Variants in TMEM248 observed in about 807,000 individuals in gnomAD.
TMEM248 encodes the protein UPF0458 protein C7orf42.
A neutral mutation model predicts 30.3 loss-of-function variants in TMEM248; 9 were observed. That is an observed-to-expected ratio of 0.30 (90% CI 0.18 to 0.52). The LOEUF is 0.52. Among genes scored for constraint, TMEM248 ranks in the 20% least tolerant of loss-of-function variants. The pLI is 0.97. For synonymous variants in TMEM248, 184 were observed against 154.4 expected, an observed-to-expected ratio of 1.19 and a Z score of -1.42; for missense variants, 338 against 403.3, an observed-to-expected ratio of 0.84 and a Z score of 1.39.
chr7:66,929,602 A>T (rs1366100056), intron 1 of TMEM248, among the ~76,000 whole-genome samples: 1 of 151,746 alleles, frequency 6.6e-6, no homozygotes, highest in East Asian at 1.9e-4. Context: ...ATGCCCAGCT[A>T]ATTTTTGTAT....
intron 1 of TMEM248, among the ~76,000 whole-genome samples, chr7:66,940,030 T>C (rs1482547952): frequency 6.6e-6 from 1 of 152,142 alleles, no homozygotes; most frequent in Non-Finnish European, 1.5e-5. Context: ...CCTGTCTTAC[T>C]GCAACCTCCA....
At chr7:66,954,708 T>C (rs1214252124) in intron 6 of TMEM248, among the ~76,000 whole-genome samples, 1 of 152,172 alleles carries the variant, frequency 6.6e-6, no homozygotes, top group Non-Finnish European at 1.5e-5. Context: ...CCCTCTTTTG[T>C]GTATTTTTGG....
chr7:66,921,606 T>A (rs1791386804), intron 1 of TMEM248, 145 bp downstream of exon 1: 1 of 152,218 alleles, frequency 6.6e-6, no homozygotes, highest in Non-Finnish European at 1.5e-5. Flanking sequence ...CCCCAACTGC[T>A]GGCGGGGGTC....
intron 2 of TMEM248, 84 bp from the exon 3 acceptor site, chr7:66,944,892 C>T: frequency 6.9e-7 from 1 of 1,440,332 alleles, no homozygotes; most frequent in Non-Finnish European, 9.6e-7. Flanking sequence ...TGCTGCGGTG[C>T]CACACTGGGG....
At position 66,955,548 on chromosome 7, in the gene TMEM248, G is replaced by C. The variant is rs545249952; in HGVS notation, c.*26G>C. Reference sequence around the variant, plus strand: ...TTCCACAGCTCCTTGTTTTTTGAGAGAGACTGAGAGAACCATAATCCTTGC... The same window carrying C: ...TTCCACAGCTCCTTGTTTTTTGAGACAGACTGAGAGAACCATAATCCTTGC... On this transcript the variant is annotated 3_prime_UTR_variant, in exon 7 of 7. Transcript: ENST00000341567. 2.7e-4 allele frequency: 433 copies of C among 1,613,912 alleles called. 5 individuals are homozygous for C. In the South Asian group the frequency reaches 4.5e-3, roughly 17 times the overall value.
chr7:66,943,843 G>A (rs1792027096), intron 2 of TMEM248, among the ~76,000 whole-genome samples: 1 of 151,734 alleles, frequency 6.6e-6, no homozygotes, highest in Admixed American at 6.6e-5. Context: ...CCAGGCTGAG[G>A]CTGGACTTCA....
In TMEM248 at chr7:66,956,863, CAG is replaced by C. The variant is rs762839569; in HGVS notation, c.*1344_*1345del. On this transcript the variant is annotated 3_prime_UTR_variant, in exon 7 of 7. Coordinates refer to ENST00000341567, the MANE Select transcript of TMEM248 (RefSeq NM_017994.5). ...TAATTTTAAAATTTTTTTGTAGAGA[CAG>C]AGTCTCCCTCTGTTGCCCAGGCTGG... The C allele has an allele frequency of 6.6e-6, 1 of 151,928 alleles. No homozygotes were observed. The highest frequency in any genetic ancestry group is 2.4e-5 in the African/African-American group (1 of 41,518). 9.4% of individuals were successfully genotyped at this position (151,928 alleles called of 1,614,324 possible).
intron 1 of TMEM248, among the ~76,000 whole-genome samples, chr7:66,922,711 A>G (rs1189177637): frequency 1.5e-5 from 2 of 134,430 alleles, no homozygotes; most frequent in South Asian, 2.3e-4. Flanking sequence ...GATTATATAT[A>G]TATATGTTTT....
At chr7:66,936,043 A>T (rs1189516093) in intron 1 of TMEM248, among the ~76,000 whole-genome samples, 1 of 152,184 alleles carries the variant, frequency 6.6e-6, no homozygotes, top group Non-Finnish European at 1.5e-5. Context: ...TCCAGTTTGG[A>T]TGCCCTTTAT....
At position 66,956,472 on chromosome 7, in the gene TMEM248, A is replaced by G. The variant is rs1240977094; in HGVS notation, c.*950A>G. The G allele has an allele frequency of 6.6e-6, 1 of 152,206 alleles. No individual in the cohort carries two copies. Among genetic ancestry groups the G allele is most frequent in the Admixed American group, 6.5e-5 (1 of 15,276 alleles). 9.4% of individuals were successfully genotyped at this position (152,206 alleles called of 1,614,324 possible). ...GAATAATGATTCTATCTAATAGGAA[A>G]GGATTTCTTCTTTCTTTTTTAAAGA... On this transcript the variant is annotated 3_prime_UTR_variant, in exon 7 of 7. Transcript: ENST00000341567.
intron 1 of TMEM248, among the ~76,000 whole-genome samples, chr7:66,931,418 T>C (rs1161995441): frequency 1.3e-5 from 2 of 152,010 alleles, no homozygotes; most frequent in Non-Finnish European, 2.9e-5. Flanking sequence ...CTGAAAGGCT[T>C]CCTGTGTCTG....
In TMEM248 at chr7:66,951,054, C is replaced by CTAA; in HGVS notation, c.699_700insTAA (p.Tyr233_Asn234insTer). On this transcript the variant is annotated stop_gained and inframe_insertion, in exon 5 of 7. Coordinates refer to ENST00000341567, the MANE Select transcript of TMEM248 (RefSeq NM_017994.5). LOFTEE classifies it high-confidence loss of function. ...CCAACACAAAATACGCCCAAGATTA[C>CTAA]AATCCTTTCTGGTGTTATAAGGGGG... 1 of 1,613,178 alleles carries CTAA rather than the reference C, an allele frequency of 6.2e-7. No individual in the cohort carries two copies. The highest frequency in any genetic ancestry group is 8.5e-7 in the Non-Finnish European group (1 of 1,179,788).
At chr7:66,946,085 CA>C (rs34151581) in intron 3 of TMEM248, among the ~76,000 whole-genome samples, 14,153 of 104,058 alleles carry the variant, frequency 0.14, 699 homozygotes, top group Non-Finnish European at 0.14. Flanking sequence ...ACTCTCTCTC[CA>C]AAAAAAAAAA....
chr7:66,940,402 A>G (rs1791916979), intron 1 of TMEM248, among the ~76,000 whole-genome samples: 1 of 152,222 alleles, frequency 6.6e-6, no homozygotes, highest in Non-Finnish European at 1.5e-5. Flanking sequence ...TGCAAACGTT[A>G]ACACTGAAAA....
At chr7:66,931,426 C>T (rs1418373760) in intron 1 of TMEM248, among the ~76,000 whole-genome samples, 1 of 151,496 alleles carries the variant, frequency 6.6e-6, no homozygotes, top group East Asian at 1.9e-4. Flanking sequence ...CTTCCTGTGT[C>T]TGTGGCATAA....
intron 5 of TMEM248, 21 bp downstream of exon 5, chr7:66,951,156 G>T: frequency 6.4e-7 from 1 of 1,555,238 alleles, no homozygotes; most frequent in South Asian, 1.2e-5. Flanking sequence ...AAAATTGTGT[G>T]TGTGTGTGTG....
chr7:66,954,715 T>G (rs1221020199), intron 6 of TMEM248, among the ~76,000 whole-genome samples: 5 of 152,180 alleles, frequency 3.3e-5, no homozygotes, highest in Admixed American at 1.3e-4. Flanking sequence ...TTGTGTATTT[T>G]TGGTTGAATC....
intron 4 of TMEM248, among the ~76,000 whole-genome samples, chr7:66,949,962 G>T (rs1562944613): frequency 6.6e-6 from 1 of 152,058 alleles, no homozygotes; most frequent in Non-Finnish European, 1.5e-5. Flanking sequence ...GTCTATTTTA[G>T]ACATTTGGAG....
chr7:66,955,470 T>G, intron 6 of TMEM248, 32 bp from the exon 7 acceptor site: 1 of 1,614,034 alleles, frequency 6.2e-7, no homozygotes, highest in Non-Finnish European at 8.5e-7. Context: ...CTTCCCTTTT[T>G]TGACTGGTTT....
Sources: allele counts gnomAD v4.1 joint callset (sites outside exome capture counted in the v4.1 genomes callset), GRCh38; gene constraint gnomAD v4.1.1; transcripts MANE v1.5; gene names NCBI Gene and HGNC (gene_info 2026-07-23, HGNC 2026-07-21).